DPP10: variants seen among roughly 807,000 people sequenced by gnomAD.
The protein encoded by DPP10 is dipeptidyl peptidase like 10.
Under a neutral mutation model 120.9 loss-of-function variants are expected in DPP10, and 33 were observed. The ratio of observed to expected loss-of-function variants is 0.27; its 90% CI spans 0.21 to 0.37. DPP10 has a LOEUF of 0.37. DPP10 is among the 10% of genes least tolerant of loss of function. The pLI is 1.00. For synonymous variants in DPP10, 337 were observed against 326.1 expected (o/e 1.03, Z -0.36); for missense variants, 816 against 942.8 (o/e 0.87, Z 1.76).
chr2:115,735,684 ATTTT>A (rs70941095), intron 8 of DPP10, among the ~76,000 whole-genome samples: 5 of 62,490 alleles, frequency 8.0e-5, no homozygotes, highest in African/African-American at 3.6e-4. Context: ...CGCCCAGCTA[ATTTT>A]TTTTTTTTTT....
intron 1 of DPP10, among the ~76,000 whole-genome samples, chr2:115,265,657 TATA>T (rs1265976389): frequency 6.6e-6 from 1 of 152,136 alleles, no homozygotes; most frequent in Non-Finnish European, 1.5e-5. Context: ...GAATTCAGTG[TATA>T]ATAGCACTTT....
At chr2:114,742,876 C>A (rs1416674162) in intron 1 of DPP10, among the ~76,000 whole-genome samples, 1 of 152,180 alleles carries the variant, frequency 6.6e-6, no homozygotes, top group Non-Finnish European at 1.5e-5. Context: ...AATGCCAATG[C>A]AGGCAAACGA....
chr2:115,672,246 G>A (rs180722228), intron 5 of DPP10, among the ~76,000 whole-genome samples: 1 of 151,964 alleles, frequency 6.6e-6, no homozygotes, highest in Non-Finnish European at 1.5e-5. Flanking sequence ...ATGTTGGTTG[G>A]TTGGCTGGTT....
At chr2:115,481,351 A>C (rs575807958) in intron 3 of DPP10, among the ~76,000 whole-genome samples, 2 of 152,302 alleles carry the variant, frequency 1.3e-5, no homozygotes, top group East Asian at 1.9e-4. Flanking sequence ...CATAAAGTAC[A>C]TTCTTCAAAG....
intron 7 of DPP10, among the ~76,000 whole-genome samples, chr2:115,701,907 A>G (rs2091905507): frequency 6.6e-6 from 1 of 151,464 alleles, no homozygotes; most frequent in African/African-American, 2.4e-5. Context: ...GAACCTTAGG[A>G]ATTAACCATT....
chr2:115,378,564 CCCTGG>C (rs1442322765), intron 3 of DPP10, among the ~76,000 whole-genome samples: 1 of 150,596 alleles, frequency 6.6e-6, no homozygotes, highest in Non-Finnish European at 1.5e-5. Context: ...TGCCTAATTG[CCCTGG>C]CCAGAACTTC....
intron 1 of DPP10, among the ~76,000 whole-genome samples, chr2:114,463,604 T>G (rs778677001): frequency 2.0e-5 from 3 of 152,220 alleles, no homozygotes; most frequent in Non-Finnish European, 4.4e-5. Flanking sequence ...GTTACATCTT[T>G]TTGTCGAAGT....
chr2:114,976,940 T>A (rs1409404399), intron 1 of DPP10, among the ~76,000 whole-genome samples: 1 of 152,172 alleles, frequency 6.6e-6, no homozygotes, highest in South Asian at 2.1e-4. Context: ...ATATCTATCA[T>A]CTTCTAATTG....
intron 1 of DPP10, among the ~76,000 whole-genome samples, chr2:114,464,682 C>A (rs144186747): frequency 6.6e-6 from 1 of 152,074 alleles, no homozygotes; most frequent in Non-Finnish European, 1.5e-5. Context: ...TAGAGCAAAT[C>A]GTATTAATTT....
At chr2:114,455,753 C>A (rs1270746752) in intron 1 of DPP10, among the ~76,000 whole-genome samples, 3 of 134,168 alleles carry the variant, frequency 2.2e-5, no homozygotes, top group African/African-American at 8.1e-5. Context: ...TTACCATTTT[C>A]ATGCTCAGTA....
intron 1 of DPP10, among the ~76,000 whole-genome samples, chr2:114,842,648 C>T (rs188101640): frequency 1.0e-3 from 155 of 152,186 alleles, no homozygotes; most frequent in African/African-American, 3.4e-3. Flanking sequence ...GTAGATTTTC[C>T]ACCATTGCCA....
intron 1 of DPP10, chr2:115,161,953 G>A: frequency 1.4e-6 from 2 of 1,437,052 alleles, no homozygotes; most frequent in Non-Finnish European, 1.8e-6. Context: ...GCGGGCCGCC[G>A]GCGATGACGG....
chr2:115,316,809 A>G (rs2061816621), intron 2 of DPP10, among the ~76,000 whole-genome samples: 1 of 152,176 alleles, frequency 6.6e-6, no homozygotes, highest in Admixed American at 6.6e-5. Context: ...TCAGGTTTCC[A>G]TAAAAGCGAG....
chr2:114,986,019 C>G (rs1574636296), intron 1 of DPP10, among the ~76,000 whole-genome samples: 1 of 151,980 alleles, frequency 6.6e-6, no homozygotes, highest in South Asian at 2.1e-4. Flanking sequence ...CTTTGTGATG[C>G]GGCAGTCAAT....
chr2:115,232,356 A>G (rs1473123770), intron 1 of DPP10, among the ~76,000 whole-genome samples: 2 of 152,114 alleles, frequency 1.3e-5, no homozygotes, highest in African/African-American at 2.4e-5. Flanking sequence ...TGCTTTGAAT[A>G]TGATACATAA....
chr2:115,293,132 G>T (rs2060729921), intron 1 of DPP10, among the ~76,000 whole-genome samples: 1 of 151,482 alleles, frequency 6.6e-6, no homozygotes, highest in Non-Finnish European at 1.5e-5. Flanking sequence ...CAGTGCCAAA[G>T]GATAAATTGA....
At chr2:115,775,676 A>G (rs1019492655) in intron 13 of DPP10, among the ~76,000 whole-genome samples, 1 of 152,084 alleles carries the variant, frequency 6.6e-6, no homozygotes, top group East Asian at 1.9e-4. Context: ...CTTTAGTACA[A>G]TTTATGACAT....
At chr2:115,035,741 A>C (rs1212118973) in intron 1 of DPP10, among the ~76,000 whole-genome samples, 1 of 152,200 alleles carries the variant, frequency 6.6e-6, no homozygotes, top group Non-Finnish European at 1.5e-5. Context: ...AAATGCTGAA[A>C]CTACTTTATA....
At chr2:115,759,508 A>T (rs1431074111) in intron 11 of DPP10, among the ~76,000 whole-genome samples, 2 of 152,118 alleles carry the variant, frequency 1.3e-5, no homozygotes, top group Non-Finnish European at 2.9e-5. Flanking sequence ...ATAACAAAAA[A>T]CTGACAACAT....
Sources: allele counts gnomAD v4.1 joint callset (sites outside exome capture counted in the v4.1 genomes callset), GRCh38; gene constraint gnomAD v4.1.1; transcripts MANE v1.5; gene names NCBI Gene and HGNC (gene_info 2026-07-23, HGNC 2026-07-21).